The following UBAC2 variants were observed in gnomAD, a reference collection of about 807,000 sequenced individuals.
UBAC2 encodes ubiquitin-associated domain-containing protein 2.
Under a neutral mutation model 44.0 loss-of-function variants are expected in UBAC2, and 26 were observed. The ratio of observed to expected loss-of-function variants is 0.59; its 90% CI spans 0.43 to 0.82. The LOEUF (loss-of-function observed/expected upper bound fraction) is 0.82, where lower values mean the gene tolerates loss of function less well. Ranked by LOEUF, UBAC2 falls within the 40% of genes least tolerant of loss-of-function variation. The pLI, the probability that UBAC2 is intolerant of heterozygous loss-of-function variation, is 0.00. For missense variants in UBAC2, 329 were observed against 419.4 expected (o/e 0.78, Z 1.88); for synonymous variants, 155 against 154.3 (o/e 1.00, Z -0.04).
chr13:99,335,407 G>T, intron 6 of UBAC2, among the ~76,000 whole-genome samples: 1 of 149,382 alleles, frequency 6.7e-6, no homozygotes, highest in Non-Finnish European at 1.5e-5. Context: ...GACTTCATAT[G>T]TCTCTCTTCA....
At chr13:99,325,859 A>G (rs548862080) in intron 6 of UBAC2, among the ~76,000 whole-genome samples, 7 of 152,306 alleles carry the variant, frequency 4.6e-5, no homozygotes, top group East Asian at 1.9e-4. Context: ...GTTGTTGCAT[A>G]TTACAAAATG....
chr13:99,356,024 A>C, intron 7 of UBAC2: 1 of 398,660 alleles, frequency 2.5e-6, no homozygotes, highest in African/African-American at 2.0e-5. Context: ...ACCTGTTTGT[A>C]AAATTGTACC....
At chr13:99,262,791 C>T (rs960092656) in intron 4 of UBAC2, among the ~76,000 whole-genome samples, 4 of 130,014 alleles carry the variant, frequency 3.1e-5, no homozygotes, top group Non-Finnish European at 6.5e-5. Context: ...GTTATTTAAA[C>T]ATAAACCTAT....
chr13:99,346,324 C>T (rs932817728), intron 7 of UBAC2, among the ~76,000 whole-genome samples: 2 of 152,184 alleles, frequency 1.3e-5, no homozygotes, highest in African/African-American at 4.8e-5. Flanking sequence ...CCTCCTGAGC[C>T]TGCCCCACAG....
At chr13:99,255,731 T>C in intron 4 of UBAC2, 2 of 1,614,068 alleles carry the variant, frequency 1.2e-6, no homozygotes, top group Non-Finnish European at 8.5e-7. Flanking sequence ...GTGGTACAAC[T>C]GAAAACCCAT....
intron 4 of UBAC2, among the ~76,000 whole-genome samples, chr13:99,309,086 C>A (rs1247769144): frequency 1.3e-5 from 2 of 151,790 alleles, no homozygotes; most frequent in Admixed American, 1.3e-4. Flanking sequence ...TCAAGTAATT[C>A]CTCTGACAAA....
intron 6 of UBAC2, among the ~76,000 whole-genome samples, chr13:99,321,002 A>G (rs896805972): frequency 2.0e-5 from 3 of 152,340 alleles, no homozygotes; most frequent in Admixed American, 1.3e-4. Context: ...GATAATTATA[A>G]TTATAGATGA....
intron 1 of UBAC2, among the ~76,000 whole-genome samples, chr13:99,205,455 G>C (rs762360156): frequency 2.6e-5 from 4 of 152,220 alleles, no homozygotes; most frequent in Non-Finnish European, 5.9e-5. Context: ...ATCAATCACG[G>C]TGTTTTCTGA....
intron 4 of UBAC2, among the ~76,000 whole-genome samples, chr13:99,287,856 G>A (rs565713917): frequency 3.3e-5 from 5 of 151,464 alleles, no homozygotes; most frequent in Non-Finnish European, 7.4e-5. Context: ...CCCTTACTGG[G>A]GAAAATAATA....
At chr13:99,335,571 A>G (rs1204636741) in intron 6 of UBAC2, among the ~76,000 whole-genome samples, 1 of 152,164 alleles carries the variant, frequency 6.6e-6, no homozygotes. Flanking sequence ...TGTTGTCTGA[A>G]ATTTTGCAGG....
intron 4 of UBAC2, among the ~76,000 whole-genome samples, chr13:99,289,217 C>T (rs935960537): frequency 6.6e-6 from 1 of 152,148 alleles, no homozygotes; most frequent in African/African-American, 2.4e-5. Flanking sequence ...AACTATGTGG[C>T]ATATACTGTA....
intron 4 of UBAC2, among the ~76,000 whole-genome samples, chr13:99,281,875 G>C (rs2043958494): frequency 6.6e-6 from 1 of 152,302 alleles, no homozygotes; most frequent in South Asian, 2.1e-4. Flanking sequence ...ATTTCAAACT[G>C]CGGTCTCAGT....
intron 4 of UBAC2, among the ~76,000 whole-genome samples, chr13:99,277,489 T>C (rs1300866049): frequency 6.6e-6 from 1 of 152,140 alleles, no homozygotes; most frequent in African/African-American, 2.4e-5. Flanking sequence ...CACACCATTG[T>C]ACTCCAGCCT....
chr13:99,311,865 A>G (rs2138759753), intron 4 of UBAC2, among the ~76,000 whole-genome samples: 1 of 152,314 alleles, frequency 6.6e-6, no homozygotes, highest in East Asian at 1.9e-4. Context: ...AAGGACTGAT[A>G]CGTGAGGAAT....
At chr13:99,342,555 G>A (rs1303774037) in intron 7 of UBAC2, among the ~76,000 whole-genome samples, 1 of 152,106 alleles carries the variant, frequency 6.6e-6, no homozygotes, top group Non-Finnish European at 1.5e-5. Flanking sequence ...GCCTAGGTGA[G>A]GGGGACCCAC....
At chr13:99,350,903 T>C (rs1311848204) in intron 7 of UBAC2, among the ~76,000 whole-genome samples, 1 of 152,222 alleles carries the variant, frequency 6.6e-6, no homozygotes, top group African/African-American at 2.4e-5. Context: ...GACACCCTGC[T>C]GGTGTCCACT....
intron 8 of UBAC2, among the ~76,000 whole-genome samples, chr13:99,382,978 A>G (rs2045570438): frequency 6.6e-6 from 1 of 152,224 alleles, no homozygotes; most frequent in South Asian, 2.1e-4. Flanking sequence ...ATGTAGGAAA[A>G]GAGAATAGGG....
At chr13:99,257,200 T>C (rs532708259) in intron 4 of UBAC2, among the ~76,000 whole-genome samples, 1 of 152,178 alleles carries the variant, frequency 6.6e-6, no homozygotes, top group African/African-American at 2.4e-5. Flanking sequence ...TATTAAATTT[T>C]CCAAATATTG....
rs755614282 is a variant in UBAC2 at position 99,385,231 on chromosome 13, G to A, written c.931G>A (p.Ala311Thr). The change falls in exon 9 of 9, where the codon GCC becomes ACC. Residue 311 changes from alanine (A) to threonine (T), a missense_variant. Transcript: ENST00000403766. ...PPLEVSEEQVARLMEMGFSRG... is the reference protein window; with the variant it reads ...PPLEVSEEQVTRLMEMGFSRG... ...TCTGCGTTTTCTCTGCCTGCAGGTC[G>A]CCCGGCTCATGGAGATGGGATTTTC... The A allele has an allele frequency of 4.3e-6, 7 of 1,613,370 alleles. No individual in the cohort carries two copies. The highest frequency in any genetic ancestry group is 3.3e-5 in the South Asian group (3 of 91,058).
Sources: gnomAD v4.1 joint callset for allele counts (sites outside exome capture counted in the v4.1 genomes callset) on GRCh38, gnomAD v4.1.1 for gene constraint, MANE v1.5 for transcripts, NCBI Gene and HGNC (gene_info 2026-07-23, HGNC 2026-07-21) for gene names.